Variants in IGF2R observed in about 807,000 individuals in gnomAD.
The protein encoded by IGF2R is cation-independent mannose-6-phosphate receptor.
A neutral mutation model predicts 270.6 loss-of-function variants in IGF2R; 91 were observed. That is an observed-to-expected ratio of 0.34 (90% CI 0.28 to 0.40). The LOEUF (loss-of-function observed/expected upper bound fraction) is 0.40. Ranked by LOEUF, IGF2R falls within the 10% of genes least tolerant of loss-of-function variation. The pLI is 1.00. For missense variants in IGF2R, 2,805 were observed against 3,188.3 expected (o/e 0.88, Z 2.90); for synonymous variants, 1,316 against 1,258.9 (o/e 1.05, Z -0.96).
chr6:159,969,625 A>G (rs766603434), intron 1 of IGF2R, among the ~76,000 whole-genome samples: 2 of 152,006 alleles, frequency 1.3e-5, no homozygotes, highest in Non-Finnish European at 2.9e-5. Flanking sequence ...GCGGTCCTGG[A>G]GCCCCGCGTC....
In IGF2R at chr6:160,064,529, C is replaced by T. The variant is rs370872105; in HGVS notation, c.4015C>T (p.Arg1339Trp). Residue 1339 changes from arginine (R) to tryptophan (W), a missense_variant and splice_region_variant, in exon 28 of 48, where the codon CGG becomes TGG. Transcript: ENST00000356956. Reference sequence around the variant, plus strand: ...CTTCTACTGTGACCGCGGCACCCAGCGGGTGAGCATGTACCGACGGCCCTC... The same window carrying T: ...CTTCTACTGTGACCGCGGCACCCAGTGGGTGAGCATGTACCGACGGCCCTC... The part of the protein sequence containing the change: ...IFFYCDRGTQ[R>W]PVFLKETSDC... 173 of 1,613,936 alleles carry T rather than the reference C, an allele frequency of 1.1e-4. No homozygotes were observed. Among genetic ancestry groups the T allele is most frequent in the African/African-American group, 4.0e-4 (30 of 74,916 alleles).
At position 160,090,080 on chromosome 6, in the gene IGF2R, A is replaced by G; in HGVS notation, c.6632A>G (p.Asp2211Gly). 1.3e-6 allele frequency: 2 copies of G among 1,566,158 alleles called. No homozygotes were observed. Among genetic ancestry groups the G allele is most frequent in the South Asian group, 1.2e-5 (1 of 84,238 alleles). ...TTCAGTCGGAAAGTTGGAACCTCTG[A>G]CAAGACCAAGTACTACCTTCAAGGT... ...QHFSRKVGTS[D>G]KTKYYLQDGD... Residue 2211 changes from aspartate (D) to glycine (G), a missense_variant, in exon 44 of 48, where the codon GAC becomes GGC. Asp to Gly is a moderately conservative substitution (Grantham distance 94, BLOSUM62 -1). Transcript: ENST00000356956.
At chr6:160,085,758 G>C (rs541337007) in intron 41 of IGF2R, among the ~76,000 whole-genome samples, 8 of 152,360 alleles carry the variant, frequency 5.3e-5, no homozygotes, top group African/African-American at 1.7e-4. Context: ...GGCTACTTCA[G>C]ATTAGCTTGA....
At position 160,076,070 on chromosome 6, in the gene IGF2R, C is replaced by T. The variant is rs75070060; in HGVS notation, c.5316+74C>T. ...GCCAAGGCTAGACAACCAGAAAGTG[C>T]GTGTCAGGTCCAAGGATACTCTTAT... On this transcript the variant is annotated intron_variant, in intron 36 of 47. Transcript: ENST00000356956. The T allele has an allele frequency of 1.6e-3, 2,291 of 1,393,388 alleles. 18 individuals are homozygous for T. In the African/African-American group the frequency reaches 0.027, roughly 16 times the overall value. 86.3% of individuals were successfully genotyped at this position (1,393,388 alleles called of 1,614,324 possible).
chr6:160,059,541 G>T (rs917135166), intron 22 of IGF2R, among the ~76,000 whole-genome samples: 1 of 152,104 alleles, frequency 6.6e-6, no homozygotes, highest in Non-Finnish European at 1.5e-5. Flanking sequence ...ATATCCCCCC[G>T]CAGATAAGGG....
chr6:160,096,372 G>A (rs1779358178), intron 44 of IGF2R, 67 bp from the exon 45 acceptor site: 1 of 1,434,000 alleles, frequency 7.0e-7, no homozygotes, highest in South Asian at 1.3e-5. Flanking sequence ...AGACCGTAAG[G>A]AGCTAAGCTC....
rs761504807 is a variant in IGF2R, at chr6:160,047,851, G to A, written c.2289G>A (p.Glu763=). The A allele has an allele frequency of 2.5e-6, 4 of 1,614,084 alleles. No homozygotes were observed. Among genetic ancestry groups the A allele is most frequent in the Non-Finnish European group, 3.4e-6 (4 of 1,180,016 alleles). The stretch of plus-strand genomic sequence containing the variant: ...ACACCAGCTATGCCTGCCCGGAGGA[G>A]CCCCTGGAATGCGTAGTGACCGACC... ...RWYTSYACPE[E]PLECVVTDPS... is the part of the protein sequence containing the mutation. Residue 763 remains glutamate (E), a synonymous_variant, in exon 17 of 48, where the codon GAG becomes GAA. Coordinates refer to ENST00000356956, the MANE Select transcript of IGF2R (RefSeq NM_000876.4).
chr6:159,979,636 C>T (rs925344259), intron 1 of IGF2R, among the ~76,000 whole-genome samples: 1 of 152,132 alleles, frequency 6.6e-6, no homozygotes, highest in Admixed American at 6.5e-5. Flanking sequence ...CCAGGCCTTT[C>T]TGTAAAAGGC....
At chr6:160,075,548 C>T (rs1454665230) in intron 35 of IGF2R, among the ~76,000 whole-genome samples, 2 of 152,168 alleles carry the variant, frequency 1.3e-5, no homozygotes, top group African/African-American at 4.8e-5. Context: ...CTGTAGTCTC[C>T]TTGATGTGAC....
chr6:160,036,519 C>A (rs1324097383), intron 10 of IGF2R, among the ~76,000 whole-genome samples: 2 of 152,130 alleles, frequency 1.3e-5, no homozygotes, highest in African/African-American at 2.4e-5. Flanking sequence ...TTTGTGATGA[C>A]CTCCTTTGGC....
At position 159,991,369 on chromosome 6, in the gene IGF2R, C is replaced by CA. The variant is rs768157632; in HGVS notation, c.289+48dup. 11 of 1,574,988 alleles carry CA rather than the reference C, an allele frequency of 7.0e-6. No homozygotes were observed. In the East Asian group the frequency reaches 2.0e-4, roughly 29 times the overall value. ...TTACTGGATTGGCAATATGATTCCC[C>CA]AATTTTGCAAAAATGACTGTGTATA... On this transcript the variant is annotated intron_variant, in intron 2 of 47. Transcript: ENST00000356956.
Position 160,070,013 on chromosome 6 carries a change from GA to G in IGF2R, c.4403del (p.Lys1468SerfsTer14), listed in dbSNP as rs1778680145. 6.2e-7 allele frequency: 1 copy of G among 1,614,118 alleles called. No homozygotes were observed. On this transcript the variant is annotated frameshift_variant, in exon 31 of 48. Transcript: ENST00000356956. LOFTEE classifies it high-confidence loss of function. ...DGDLCPDGIRKKSTTIRFTCS... is the reference protein window; with the variant it reads ...DGDLCPDGIRXKSTTIRFTCS... The stretch of plus-strand genomic sequence containing the variant: ...GCGACTTATGTCCAGATGGGATTCG[GA>G]AAAAGTCAACCACCATCCGATTCAC...
chr6:159,972,427 C>T (rs1327259703), intron 1 of IGF2R, among the ~76,000 whole-genome samples: 1 of 152,214 alleles, frequency 6.6e-6, no homozygotes, highest in Non-Finnish European at 1.5e-5. Context: ...AAGTCATTAT[C>T]CTTGCAAAGG....
In IGF2R at chr6:160,090,015, T is replaced by C; in HGVS notation, c.6567T>C (p.Ser2189=). 1 of 1,606,672 alleles carries C rather than the reference T, an allele frequency of 6.2e-7. No homozygotes were observed. Among genetic ancestry groups the C allele is most frequent in the Non-Finnish European group, 8.5e-7 (1 of 1,176,714 alleles). Residue 2189 remains serine, a synonymous_variant, in exon 44 of 48, where the codon TCT becomes TCC. Coordinates refer to ENST00000356956, the MANE Select transcript of IGF2R (RefSeq NM_000876.4). The part of the protein sequence containing the change: ...SITSSRNPAC[S]GANICQVKPN... ...CAAGCTCCAGAAACCCGGCGTGCTC[T>C]GGAGCCAACATATGCCAGGTGAAGC... is the stretch of plus-strand genomic sequence containing the variant.
intron 4 of IGF2R, among the ~76,000 whole-genome samples, chr6:160,012,516 AAG>A (rs1784349832): frequency 1.3e-5 from 2 of 151,952 alleles, no homozygotes; most frequent in Admixed American, 1.3e-4. Context: ...GAGCCTGAGG[AAG>A]AGAGTGGGAG....
intron 1 of IGF2R, among the ~76,000 whole-genome samples, chr6:159,981,483 C>T (rs1349452663): frequency 6.6e-6 from 1 of 152,204 alleles, no homozygotes; most frequent in African/African-American, 2.4e-5. Flanking sequence ...AGGGCACCCC[C>T]CGCCCCCAGC....
At chr6:160,060,478 C>T (rs1398617610) in intron 22 of IGF2R, 69 bp from the exon 23 acceptor site, 2 of 1,494,854 alleles carry the variant, frequency 1.3e-6, no homozygotes, top group African/African-American at 1.4e-5. Flanking sequence ...CCTGTTGCTG[C>T]ACTGTGCTTG....
At chr6:160,052,217 T>C (rs1778215565) in intron 19 of IGF2R, among the ~76,000 whole-genome samples, 1 of 152,090 alleles carries the variant, frequency 6.6e-6, no homozygotes, top group Non-Finnish European at 1.5e-5. Context: ...ATAGTAATCA[T>C]ATAAACAACT....
rs756892830 is a variant in IGF2R at position 160,050,608 on chromosome 6, A to G, written c.2650A>G (p.Thr884Ala). The change falls in exon 19 of 48, where the codon ACA becomes GCA. Residue 884 changes from threonine to alanine, a missense_variant. By Grantham distance (58) the Thr-to-Ala change is moderately conservative. Coordinates refer to ENST00000356956, the MANE Select transcript of IGF2R (RefSeq NM_000876.4). This position sits in a 1 kb window ranked among gnomAD's most constrained non-coding sequence, Gnocchi z 4.0. ...ACTTSDGRQT[T>A]YTTRIHLVCS... ...CACCACCAGCGATGGCAGACAGACC[A>G]CATATACCACGAGGATCCATCTCGT... 1.2e-6 allele frequency: 2 copies of G among 1,613,694 alleles called. No homozygotes were observed. The highest frequency in any genetic ancestry group is 1.1e-5 in the South Asian group (1 of 91,054).
Sources: allele counts gnomAD v4.1 joint callset (sites outside exome capture counted in the v4.1 genomes callset), GRCh38; gene constraint gnomAD v4.1.1; non-coding constraint Gnocchi (gnomAD v3.1); transcripts MANE v1.5; gene names NCBI Gene and HGNC (gene_info 2026-07-23, HGNC 2026-07-21).